Variants in LRPPRC observed in about 807,000 individuals in gnomAD.
LRPPRC encodes the protein leucine rich pentatricopeptide repeat containing.
LRPPRC carries 120 observed loss-of-function variants against 180.3 expected under a neutral mutation model. The observed-to-expected ratio is 0.67, with a 90% CI of 0.57 to 0.77. LRPPRC has a LOEUF of 0.77. Among genes scored for constraint, LRPPRC ranks in the 30% least tolerant of loss-of-function variants. LRPPRC has a pLI of 0.00. For missense variants in LRPPRC, 2,012 were observed against 1,657.2 expected (o/e 1.21, Z -3.72); for synonymous variants, 723 against 600.0 (o/e 1.21, Z -3.00).
At chr2:43,974,356 C>T in intron 8 of LRPPRC, 61 bp from the exon 9 acceptor site, 4 of 1,198,066 alleles carry the variant, frequency 3.3e-6, no homozygotes, top group Non-Finnish European at 5.0e-6. Flanking sequence ...ACACTGCAAC[C>T]AATGTTCCAA....
chr2:43,933,718 GAA>G (rs1446780712), intron 25 of LRPPRC, among the ~76,000 whole-genome samples: 3 of 152,084 alleles, frequency 2.0e-5, no homozygotes, highest in Non-Finnish European at 4.4e-5. Flanking sequence ...AAAAGAAGAA[GAA>G]AATTTAAATT....
Position 43,947,742 on chromosome 2 carries a change from C to T in LRPPRC, c.1954G>A (p.Asp652Asn). The change falls in exon 19 of 38, where the codon GAC (aspartate) becomes AAC (asparagine). Residue 652 changes from aspartate to asparagine, a missense_variant. Coordinates refer to ENST00000260665, the MANE Select transcript of LRPPRC (RefSeq NM_133259.4). ...AHLLVESKNL[D>N]FQKTVQLTSS... ...AAAATCCTACTTACTTTTTGAAAGT[C>T]TAAATTCTTACTCTCAACCAACAAG... 6.3e-7 allele frequency: 1 copy of T among 1,582,400 alleles called. No individual in the cohort carries two copies. Among genetic ancestry groups the T allele is most frequent in the Non-Finnish European group, 8.7e-7 (1 of 1,151,616 alleles).
chr2:43,959,630 C>G (rs576962247), intron 13 of LRPPRC, among the ~76,000 whole-genome samples: 6 of 152,262 alleles, frequency 3.9e-5, no homozygotes, highest in Non-Finnish European at 7.4e-5. Context: ...ACAGGCCAGG[C>G]GCAGTGGCTC....
At chr2:43,984,163 C>T (rs1417086176) in intron 1 of LRPPRC, among the ~76,000 whole-genome samples, 3 of 151,954 alleles carry the variant, frequency 2.0e-5, no homozygotes, top group African/African-American at 7.2e-5. Flanking sequence ...CTTAATGTCC[C>T]GCAAGCACAA....
At chr2:43,983,407 T>C (rs1466481801) in intron 1 of LRPPRC, among the ~76,000 whole-genome samples, 1 of 152,154 alleles carries the variant, frequency 6.6e-6, no homozygotes, top group African/African-American at 2.4e-5. Context: ...AGTTCCCATA[T>C]ACTTTCTTCT....
intron 25 of LRPPRC, among the ~76,000 whole-genome samples, chr2:43,929,942 C>T (rs907558560): frequency 1.5e-5 from 2 of 129,586 alleles, no homozygotes; most frequent in Non-Finnish European, 3.2e-5. Context: ...TTTTGGAGGA[C>T]AAAACAAAAA....
Position 43,888,286 on chromosome 2 carries a change from T to TAAC in LRPPRC, c.*311_*313dup, listed in dbSNP as rs1162287128. 1 of 295,876 alleles carries TAAC rather than the reference T, an allele frequency of 3.4e-6. No homozygotes were observed. The highest frequency in any genetic ancestry group is 6.4e-6 in the Non-Finnish European group (1 of 155,454). 18.3% of individuals were successfully genotyped at this position (295,876 alleles called of 1,614,324 possible). A position where few individuals can be genotyped will look rare whatever the true frequency, so the allele number is the denominator to read the frequency against. On this transcript the variant is annotated 3_prime_UTR_variant, in exon 38 of 38. Transcript: ENST00000260665. ...AATAAGTGAATCTTAAATAAAGGAA[T>TAAC]AACATTTTAATGAAATAAATGAAAC...
chr2:43,907,919 T>C, intron 30 of LRPPRC, among the ~76,000 whole-genome samples: 1 of 152,166 alleles, frequency 6.6e-6, no homozygotes, highest in Non-Finnish European at 1.5e-5. Context: ...GGATTTTAGG[T>C]AACACTTTTA....
chr2:43,917,688 C>CT (rs1671523358), intron 29 of LRPPRC, among the ~76,000 whole-genome samples: 1 of 152,040 alleles, frequency 6.6e-6, no homozygotes, highest in South Asian at 2.1e-4. Flanking sequence ...ACTCAGGAGT[C>CT]TGAGGCAGGA....
intron 1 of LRPPRC, among the ~76,000 whole-genome samples, chr2:43,984,435 T>A (rs1674440880): frequency 6.6e-6 from 1 of 152,244 alleles, no homozygotes; most frequent in African/African-American, 2.4e-5. Context: ...CACATTGTTC[T>A]GAATATTCTA....
In LRPPRC at chr2:43,915,400, A is replaced by T. The variant is rs570209817; in HGVS notation, c.3148+2625T>A. 1.1e-4 allele frequency among the ~76,000 whole-genome samples: 16 copies of T among 152,084 alleles called. No individual in the cohort carries two copies. The East Asian group carries it at 2.9e-3, about 28-fold the overall frequency. Reference sequence around the variant, plus strand: ...ATGCAGCAAAGGAAAATGCCTCAGAATGGGCCGGGCATGGTGGCTCACGCC... The same window carrying T: ...ATGCAGCAAAGGAAAATGCCTCAGATTGGGCCGGGCATGGTGGCTCACGCC... On this transcript the variant is annotated intron_variant, in intron 29 of 37. Coordinates refer to ENST00000260665, the MANE Select transcript of LRPPRC (RefSeq NM_133259.4).
intron 32 of LRPPRC, among the ~76,000 whole-genome samples, chr2:43,899,939 T>C (rs928014671): frequency 2.0e-5 from 3 of 152,250 alleles, no homozygotes; most frequent in Admixed American, 1.3e-4. Context: ...TTCTGTATCT[T>C]AAATATTTAA....
intron 27 of LRPPRC, among the ~76,000 whole-genome samples, chr2:43,921,592 G>C (rs933277015): frequency 1.3e-5 from 2 of 152,212 alleles, no homozygotes; most frequent in African/African-American, 4.8e-5. Context: ...AAGGTAGAGA[G>C]AGGGCAATGT....
At position 43,894,354 on chromosome 2, in the gene LRPPRC, TTTC is replaced by T. The variant is rs540854621; in HGVS notation, c.3985+188_3985+190del. On this transcript the variant is annotated intron_variant, in intron 36 of 37. Coordinates refer to ENST00000260665, the MANE Select transcript of LRPPRC (RefSeq NM_133259.4). ...AAAGTTATATGCATAATTTCATATT[TTTC>T]TTAATAGTTTAAAAACATATTCCAG... Among the ~76,000 whole-genome samples, 634 of 152,356 alleles carry T rather than the reference TTTC, an allele frequency of 4.2e-3. 7 individuals are homozygous for T. The highest frequency in any genetic ancestry group is 0.015 in the African/African-American group (610 of 41,578).
At chr2:43,928,585 GGAC>G (rs1671972912) in intron 25 of LRPPRC, among the ~76,000 whole-genome samples, 1 of 151,920 alleles carries the variant, frequency 6.6e-6, no homozygotes, top group African/African-American at 2.4e-5. Context: ...TTTAAAGAAG[GGAC>G]AGACAAAGAC....
At position 43,912,575 on chromosome 2, in the gene LRPPRC, A is replaced by G. The variant is rs779649542; in HGVS notation, c.3149-17T>C. On this transcript the variant is annotated splice_polypyrimidine_tract_variant and intron_variant, in intron 29 of 37. Transcript: ENST00000260665. ...CATATGCCCCTATGAGAGAAAACAGACAAAAAAAATGAGATGACATTATTC... is the reference window on the plus strand; with the variant it reads ...CATATGCCCCTATGAGAGAAAACAGGCAAAAAAAATGAGATGACATTATTC... 3.1e-6 allele frequency: 5 copies of G among 1,604,902 alleles called. No individual in the cohort carries two copies. In the South Asian group the frequency reaches 4.4e-5, roughly 14 times the overall value.
Position 43,948,111 on chromosome 2 carries a change from T to TTCACACACCTTA in LRPPRC, c.1920+10_1920+11insTAAGGTGTGTGA. The TTCACACACCTTA allele has an allele frequency of 6.5e-7, 1 of 1,529,524 alleles. No individual in the cohort carries two copies. Among genetic ancestry groups the TTCACACACCTTA allele is most frequent in the Non-Finnish European group, 9.1e-7 (1 of 1,103,732 alleles). The allele number at this position is 1,529,524 out of a possible 1,614,324, so 94.7% of individuals were successfully genotyped here. A position where few individuals can be genotyped will look rare whatever the true frequency, so the allele number is the denominator to read the frequency against. On this transcript the variant is annotated intron_variant, in intron 18 of 37. Transcript: ENST00000260665. Reference sequence around the variant, plus strand: ...AGCATTTTATCCAGTTGATTGCTATTTCACACACACCTTAATCAATTCAGG... The same window carrying TTCACACACCTTA: ...AGCATTTTATCCAGTTGATTGCTATTTCACACACCTTATCACACACACCTTAATCAATTCAGG...
At position 43,888,420 on chromosome 2, in the gene LRPPRC, C is replaced by CT. The variant is rs1670348288; in HGVS notation, c.*179dup. The stretch of plus-strand genomic sequence containing the variant: ...TATCGATTTTTCCCAGAGAAAAAAA[C>CT]TCCAAAAATGTCCAATAACCAAGTG... On this transcript the variant is annotated 3_prime_UTR_variant, in exon 38 of 38. Transcript: ENST00000260665. 6 of 536,868 alleles carry CT rather than the reference C, an allele frequency of 1.1e-5. No individual in the cohort carries two copies. In the East Asian group the frequency reaches 2.0e-4, roughly 18 times the overall value. The allele number at this position is 536,868 out of a possible 1,614,324, so 33.3% of individuals were successfully genotyped here.
chr2:43,915,759 A>G (rs1671444233), intron 29 of LRPPRC, among the ~76,000 whole-genome samples: 1 of 152,306 alleles, frequency 6.6e-6, no homozygotes, highest in East Asian at 1.9e-4. Flanking sequence ...TACTTCATAC[A>G]TTTTACATCA....
Sources: allele counts gnomAD v4.1 joint callset (sites outside exome capture counted in the v4.1 genomes callset), GRCh38; gene constraint gnomAD v4.1.1; transcripts MANE v1.5; gene names NCBI Gene and HGNC (gene_info 2026-07-23, HGNC 2026-07-21).